TMEM132D: variants seen among roughly 807,000 people sequenced by gnomAD.
TMEM132D encodes the protein transmembrane protein 132D.
A neutral mutation model predicts 62.3 loss-of-function variants in TMEM132D; 21 were observed. The ratio of observed to expected loss-of-function variants is 0.34; its 90% CI spans 0.24 to 0.49. The LOEUF is 0.49. Among genes scored for constraint, TMEM132D ranks in the 20% least tolerant of loss-of-function variants. The probability of loss-of-function intolerance (pLI) is 0.99; values close to 1 mark genes in which losing one functional copy is unlikely to be tolerated. For synonymous variants in TMEM132D, 621 were observed against 575.6 expected, an observed-to-expected ratio of 1.08 and a Z score of -1.13; for missense variants, 1,346 against 1,402.8, an observed-to-expected ratio of 0.96 and a Z score of 0.65.
At chr12:129,427,376 A>G (rs932697441) in intron 3 of TMEM132D, among the ~76,000 whole-genome samples, 4 of 143,800 alleles carry the variant, frequency 2.8e-5, no homozygotes, top group Admixed American at 7.0e-5. Context: ...TGGACACAGG[A>G]AGGGGAACAT....
chr12:129,341,643 A>G (rs543197881), intron 3 of TMEM132D, among the ~76,000 whole-genome samples: 16 of 152,342 alleles, frequency 1.1e-4, no homozygotes, highest in African/African-American at 3.8e-4. Flanking sequence ...CAGACTTGGG[A>G]GTGTCCAGAT....
intron 5 of TMEM132D, among the ~76,000 whole-genome samples, chr12:129,162,089 T>C (rs773971637): frequency 2.0e-5 from 3 of 152,186 alleles, no homozygotes; most frequent in Non-Finnish European, 2.9e-5. Context: ...CTCAATTCCC[T>C]ATGTTTAAGC....
At chr12:129,542,427 A>G (rs774636164) in intron 2 of TMEM132D, among the ~76,000 whole-genome samples, 3 of 152,016 alleles carry the variant, frequency 2.0e-5, no homozygotes, top group Non-Finnish European at 4.4e-5. Context: ...AATAAACGTA[A>G]ATTCTCAGGG....
chr12:129,596,429 A>G (rs759096373), intron 2 of TMEM132D, among the ~76,000 whole-genome samples: 5 of 152,112 alleles, frequency 3.3e-5, no homozygotes, highest in Admixed American at 3.3e-4. Flanking sequence ...GATGTATTCT[A>G]TGCATTTTTT....
intron 2 of TMEM132D, among the ~76,000 whole-genome samples, chr12:129,642,917 A>C (rs1879675673): frequency 2.3e-5 from 3 of 131,594 alleles, no homozygotes; most frequent in South Asian, 4.9e-4. Context: ...AGAATTTACA[A>C]ATCTTTTTTT....
chr12:129,239,494 T>G (rs1052100969), intron 4 of TMEM132D, among the ~76,000 whole-genome samples: 1 of 152,206 alleles, frequency 6.6e-6, no homozygotes, highest in African/African-American at 2.4e-5. Context: ...AAAAGATATG[T>G]GCAAGTTCTA....
At chr12:129,505,579 T>C (rs1462046265) in intron 3 of TMEM132D, among the ~76,000 whole-genome samples, 1 of 152,138 alleles carries the variant, frequency 6.6e-6, no homozygotes, top group African/African-American at 2.4e-5. Context: ...TGTTTTTTTG[T>C]TGACTTTCTG....
chr12:129,799,380 A>G (rs1871675951), intron 1 of TMEM132D, among the ~76,000 whole-genome samples: 1 of 1,606 alleles, frequency 6.2e-4, no homozygotes, highest in African/African-American at 7.9e-4. Context: ...ATGTGTATAT[A>G]TATGTGTATA....
At chr12:129,380,557 T>TTG (rs35075834) in intron 3 of TMEM132D, among the ~76,000 whole-genome samples, 3 of 151,574 alleles carry the variant, frequency 2.0e-5, no homozygotes, top group African/African-American at 7.3e-5. Flanking sequence ...CTTGCAGACG[T>TTG]TGTGTGTGTG....
intron 4 of TMEM132D, among the ~76,000 whole-genome samples, chr12:129,318,142 T>A (rs1868546476): frequency 6.6e-6 from 1 of 152,324 alleles, no homozygotes; most frequent in African/African-American, 2.4e-5. Context: ...CTTTTTCAGG[T>A]AAATCAGAGA....
intron 1 of TMEM132D, among the ~76,000 whole-genome samples, chr12:129,803,430 T>G (rs1871865681): frequency 6.6e-6 from 1 of 152,108 alleles, no homozygotes. Context: ...AACCTGCTCC[T>G]GAATGACTAC....
At chr12:129,150,575 A>G (rs1877043457) in intron 5 of TMEM132D, among the ~76,000 whole-genome samples, 1 of 152,208 alleles carries the variant, frequency 6.6e-6, no homozygotes, top group Non-Finnish European at 1.5e-5. Flanking sequence ...AGCAGGGTGA[A>G]GGAAACCTGC....
intron 5 of TMEM132D, 90 bp from the exon 6 acceptor site, chr12:129,084,792 C>G: frequency 3.9e-6 from 5 of 1,296,750 alleles, no homozygotes; most frequent in Non-Finnish European, 4.3e-6. Context: ...AGTGCCCTGG[C>G]TGGTGGAGGT....
intron 3 of TMEM132D, among the ~76,000 whole-genome samples, chr12:129,511,722 T>G (rs1367823056): frequency 6.6e-6 from 1 of 152,230 alleles, no homozygotes; most frequent in Non-Finnish European, 1.5e-5. Context: ...TTTGTCAGCA[T>G]TATGATTTGC....
rs148016141 is a variant in TMEM132D at position 129,659,109 on chromosome 12, G to A, written c.968+40701C>T. Among the ~76,000 whole-genome samples the A allele has an allele frequency of 6.6e-4, 100 of 151,948 alleles. No homozygotes were observed. The East Asian group carries it at 0.012, about 18-fold the overall frequency. On this transcript the variant is annotated intron_variant, in intron 2 of 8. Transcript: ENST00000422113. ...TGTTTGTTTGTAGGGATGGGGTTTC[G>A]TCATGTTGTCCAGGCTGATCTTGAA...
At chr12:129,882,996 T>C (rs570611977) in intron 1 of TMEM132D, among the ~76,000 whole-genome samples, 1 of 152,260 alleles carries the variant, frequency 6.6e-6, no homozygotes, top group African/African-American at 2.4e-5. Flanking sequence ...TCACCACTCT[T>C]ATTCAACACC....
intron 3 of TMEM132D, among the ~76,000 whole-genome samples, chr12:129,448,242 T>A (rs1873166193): frequency 6.6e-6 from 1 of 152,102 alleles, no homozygotes; most frequent in Non-Finnish European, 1.5e-5. Context: ...CTTTTCTAAG[T>A]TATGGGGTAT....
chr12:129,286,657 G>C (rs1306218828), intron 4 of TMEM132D, among the ~76,000 whole-genome samples: 1 of 152,184 alleles, frequency 6.6e-6, no homozygotes, highest in East Asian at 1.9e-4. Flanking sequence ...AGGAATGTGA[G>C]CAAGGCTTGA....
intron 1 of TMEM132D, among the ~76,000 whole-genome samples, chr12:129,860,466 G>T (rs79139027): frequency 0.025 from 3,759 of 152,310 alleles, 141 homozygotes; most frequent in African/African-American, 0.085. Flanking sequence ...CCTCAAAGGG[G>T]ACTGTTCTAT....
Sources: allele counts gnomAD v4.1 joint callset (sites outside exome capture counted in the v4.1 genomes callset), GRCh38; gene constraint gnomAD v4.1.1; transcripts MANE v1.5; gene names NCBI Gene and HGNC (gene_info 2026-07-23, HGNC 2026-07-21).